The following BDH2 variants were observed in gnomAD, a reference collection of about 807,000 sequenced individuals.
BDH2 encodes 3-hydroxybutyrate dehydrogenase 2, also known as dehydrogenase/reductase SDR family member 6.
In BDH2, 24 loss-of-function variants were observed where a neutral mutation model predicts 33.2. The observed-to-expected ratio is 0.72, with a 90% CI of 0.52 to 1.02. The LOEUF (loss-of-function observed/expected upper bound fraction) is 1.02, where lower values mean the gene tolerates loss of function less well. Among genes scored for constraint, BDH2 ranks in the 50% least tolerant of loss-of-function variants. The pLI is 0.00. For synonymous variants in BDH2, 81 were observed against 101.6 expected, an observed-to-expected ratio of 0.80 and a Z score of 1.22; for missense variants, 249 against 301.6, an observed-to-expected ratio of 0.83 and a Z score of 1.29.
chr4:103,085,630 C>A, intron 6 of BDH2, 168 bp from the exon 7 acceptor site: 1 of 1,494,442 alleles, frequency 6.7e-7, no homozygotes, highest in South Asian at 1.2e-5. Flanking sequence ...GAGTCAGTTT[C>A]TGGATCTAGG....
chr4:103,098,736 C>T (rs1748521062), intron 1 of BDH2: 1 of 152,266 alleles, frequency 6.6e-6, no homozygotes, highest in South Asian at 2.1e-4. Context: ...GGACTTGCAT[C>T]GAGGTCTGAT....
At position 103,079,313 on chromosome 4, in the gene BDH2, C is replaced by G. The variant is rs1406364542; in HGVS notation, c.*389G>C. ...CCAGGAAGTGGGCCCTAACCAGAAA[C>G]TATATCTGCTGGCACCTTTATCTTG... On this transcript the variant is annotated 3_prime_UTR_variant, in exon 10 of 10. Transcript: ENST00000296424. 2 of 173,620 alleles carry G rather than the reference C, an allele frequency of 1.2e-5. No individual in the cohort carries two copies. Among genetic ancestry groups the G allele is most frequent in the East Asian group, 1.7e-4 (1 of 5,804 alleles). 10.8% of individuals were successfully genotyped at this position (173,620 alleles called of 1,614,324 possible). A position where few individuals can be genotyped will look rare whatever the true frequency, so the allele number is the denominator to read the frequency against.
chr4:103,095,067 T>C, intron 3 of BDH2, 136 bp downstream of exon 3: 1 of 607,862 alleles, frequency 1.6e-6, no homozygotes, highest in Non-Finnish European at 2.9e-6. Flanking sequence ...AATATAGATT[T>C]CATATCAGAG....
At chr4:103,083,734 T>C (rs1747634063) in intron 7 of BDH2, among the ~76,000 whole-genome samples, 1 of 152,136 alleles carries the variant, frequency 6.6e-6, no homozygotes, top group South Asian at 2.1e-4. Flanking sequence ...TAACAAATGG[T>C]TTTACAGTCA....
intron 2 of BDH2, among the ~76,000 whole-genome samples, chr4:103,095,729 A>C (rs535570389): frequency 6.6e-6 from 1 of 152,344 alleles, no homozygotes; most frequent in East Asian, 1.9e-4. Context: ...ATTATACTTA[A>C]GGTACTGTTA....
Position 103,095,393 on chromosome 4 carries a change from C to T in BDH2, c.73-112G>A, listed in dbSNP as rs1022503166. On this transcript the variant is annotated intron_variant, in intron 2 of 9. Coordinates refer to ENST00000296424, the MANE Select transcript of BDH2 (RefSeq NM_020139.4). ...TTATCTTATTTTCATTGTTCTTTTC[C>T]CTATAAGATAGCTAGAATTTTAAAC... The T allele has an allele frequency of 6.6e-6, 5 of 754,986 alleles. No individual in the cohort carries two copies. In the Admixed American group the frequency reaches 7.7e-5, roughly 12 times the overall value. The allele number at this position is 754,986 out of a possible 1,614,324, so 46.8% of individuals were successfully genotyped here. A position where few individuals can be genotyped will look rare whatever the true frequency, so the allele number is the denominator to read the frequency against.
At chr4:103,093,087 T>C (rs990106231) in intron 3 of BDH2, among the ~76,000 whole-genome samples, 2 of 152,204 alleles carry the variant, frequency 1.3e-5, no homozygotes, top group Non-Finnish European at 2.9e-5. Context: ...CTTTGCAGCT[T>C]TTCTCTTAAT....
chr4:103,091,055 A>G, intron 5 of BDH2, 122 bp downstream of exon 5: 1 of 594,968 alleles, frequency 1.7e-6, no homozygotes, highest in South Asian at 2.4e-5. Context: ...ATAAATGTTC[A>G]ATGCAAGTTA....
chr4:103,096,257 T>C lies in BDH2; in HGVS notation c.-3A>G. ...ACTTTCCCATCAAGTCGACCCATAA[T>C]GGAACCTGTGGTTTAATCTAAAGAC... On this transcript the variant is annotated 5_prime_UTR_variant, in exon 2 of 10. Coordinates refer to ENST00000296424, the MANE Select transcript of BDH2 (RefSeq NM_020139.4). 6.2e-7 allele frequency: 1 copy of C among 1,613,252 alleles called. No homozygotes were observed.
chr4:103,092,679 G>GAAGAAACTTTGT lies in BDH2; in HGVS notation c.168_169insACAAAGTTTCTT (p.Val56_Leu57insThrLysPheLeu). On this transcript the variant is annotated inframe_insertion, in exon 4 of 10. Transcript: ENST00000296424. ...ATTTGTTTCTTCTTTGTGACATCAAGGACACGAGTTTGAATACCTGAAAAA... is the reference window on the plus strand; with the variant it reads ...ATTTGTTTCTTCTTTGTGACATCAAGAAGAAACTTTGTGACACGAGTTTGAATACCTGAAAAA... 1 of 1,611,836 alleles carries GAAGAAACTTTGT rather than the reference G, an allele frequency of 6.2e-7. No homozygotes were observed. The highest frequency in any genetic ancestry group is 1.1e-5 in the South Asian group (1 of 91,000).
At chr4:103,096,496 C>G (rs1290994479) in intron 1 of BDH2, among the ~76,000 whole-genome samples, 1 of 151,510 alleles carries the variant, frequency 6.6e-6, no homozygotes, top group African/African-American at 2.4e-5. Flanking sequence ...TTTACCATAA[C>G]CCACTGAAGT....
At chr4:103,081,207 T>C (rs999415067) in intron 9 of BDH2, among the ~76,000 whole-genome samples, 2 of 152,210 alleles carry the variant, frequency 1.3e-5, no homozygotes, top group African/African-American at 2.4e-5. Flanking sequence ...TAAACAATAG[T>C]TATTAAGGAA....
chr4:103,079,952 C>T (rs1238538762), intron 9 of BDH2, among the ~76,000 whole-genome samples, 197 bp from the exon 10 acceptor site: 8 of 152,208 alleles, frequency 5.3e-5, no homozygotes, highest in Admixed American at 2.0e-4. Flanking sequence ...TGATCTGGAA[C>T]TAAATGGCCT....
chr4:103,084,625 A>G (rs900320101), intron 7 of BDH2, among the ~76,000 whole-genome samples: 2 of 152,226 alleles, frequency 1.3e-5, no homozygotes, highest in African/African-American at 4.8e-5. Flanking sequence ...TTAAAACCCA[A>G]TGAAATGACC....
chr4:103,080,391 A>T (rs1747449077), intron 9 of BDH2, among the ~76,000 whole-genome samples: 1 of 152,182 alleles, frequency 6.6e-6, no homozygotes, highest in Admixed American at 6.5e-5. Flanking sequence ...ATTCCCATAA[A>T]TTTTTCATTT....
intron 6 of BDH2, chr4:103,085,766 T>A: frequency 7.5e-7 from 1 of 1,338,844 alleles, no homozygotes; most frequent in Non-Finnish European, 9.8e-7. Flanking sequence ...CAAAAGAAAA[T>A]GAAGATTAAT....
At chr4:103,086,956 C>T (rs2110702663) in intron 5 of BDH2, among the ~76,000 whole-genome samples, 1 of 152,282 alleles carries the variant, frequency 6.6e-6, no homozygotes, top group South Asian at 2.1e-4. Flanking sequence ...TTACTGCCTA[C>T]AGGAGGCAAC....
Position 103,092,656 on chromosome 4 carries a change from T to G in BDH2, c.192A>C (p.Gln64His), listed in dbSNP as rs1456488971. 6.2e-7 allele frequency: 1 copy of G among 1,613,194 alleles called. No individual in the cohort carries two copies. Among genetic ancestry groups the G allele is most frequent in the East Asian group, 2.2e-5 (1 of 44,832 alleles). Residue 64 changes from glutamine (Q) to histidine (H), a missense_variant, in exon 4 of 10, where the codon CAA becomes CAC. By Grantham distance (24) the Gln-to-His change is conservative. Coordinates refer to ENST00000296424, the MANE Select transcript of BDH2 (RefSeq NM_020139.4). The stretch of plus-strand genomic sequence containing the variant: ...CAACTTCATTGGCAAACTGATCAAT[T>G]TGTTTCTTCTTTGTGACATCAAGGA... ...TRVLDVTKKK[Q>H]IDQFANEVER... is the part of the protein sequence containing the mutation.
At chr4:103,087,311 G>A (rs1422771023) in intron 5 of BDH2, among the ~76,000 whole-genome samples, 1 of 151,060 alleles carries the variant, frequency 6.6e-6, no homozygotes, top group Non-Finnish European at 1.5e-5. Context: ...TGAAGGTGAT[G>A]CAGTGACACT....
Sources: gnomAD v4.1 joint callset for allele counts (sites outside exome capture counted in the v4.1 genomes callset) on GRCh38, gnomAD v4.1.1 for gene constraint, MANE v1.5 for transcripts, NCBI Gene and HGNC (gene_info 2026-07-23, HGNC 2026-07-21) for gene names.